Variants in UNC5B observed in about 807,000 individuals in gnomAD.
UNC5B encodes the protein netrin receptor UNC5B.
A neutral mutation model predicts 103.7 loss-of-function variants in UNC5B; 56 were observed. The ratio of observed to expected loss-of-function variants is 0.54; its 90% CI spans 0.44 to 0.67. The LOEUF (loss-of-function observed/expected upper bound fraction) is 0.67, where lower values mean the gene tolerates loss of function less well. UNC5B is among the 30% of genes least tolerant of loss of function. The probability of loss-of-function intolerance (pLI) is 0.00; values close to 1 mark genes in which losing one functional copy is unlikely to be tolerated. For synonymous variants in UNC5B, 577 were observed against 542.0 expected, an observed-to-expected ratio of 1.06 and a Z score of -0.90; for missense variants, 1,194 against 1,284.5, an observed-to-expected ratio of 0.93 and a Z score of 1.08.
intron 1 of UNC5B, among the ~76,000 whole-genome samples, chr10:71,235,180 C>G (rs1405691975): frequency 6.6e-6 from 1 of 152,218 alleles, no homozygotes; most frequent in Non-Finnish European, 1.5e-5. Context: ...TTTTTTTCCT[C>G]CTTCTTTCCA....
Position 71,301,410 on chromosome 10 carries a change from T to G in UNC5B, c.*2133T>G, listed in dbSNP as rs562342677. 2.4e-4 allele frequency: 36 copies of G among 152,386 alleles called. No individual in the cohort carries two copies. Among genetic ancestry groups the G allele is most frequent in the African/African-American group, 8.2e-4 (34 of 41,578 alleles). The allele number at this position is 152,386 out of a possible 1,614,324, so 9.4% of individuals were successfully genotyped here. On this transcript the variant is annotated 3_prime_UTR_variant, in exon 17 of 17. Transcript: ENST00000335350. ...GGGCTGCTGAGGGGCCAGGCCTGCA[T>G]CAGGGGCTAGGCTCTGGCTGGGCCC...
In UNC5B at chr10:71,295,859, C is replaced by T; in HGVS notation, c.2224C>T (p.Pro742Ser). The T allele has an allele frequency of 1.2e-6, 2 of 1,613,032 alleles. No homozygotes were observed. The highest frequency in any genetic ancestry group is 1.7e-6 in the Non-Finnish European group (2 of 1,179,986). The change falls in exon 14 of 17, where the codon CCG becomes TCG. Residue 742 changes from proline (P) to serine (S), a missense_variant. Coordinates refer to ENST00000335350, the MANE Select transcript of UNC5B (RefSeq NM_170744.5). ...RTLGGYLVEEPKPLMFKDSYH... is the reference protein window; with the variant it reads ...RTLGGYLVEESKPLMFKDSYH... The stretch of plus-strand genomic sequence containing the variant: ...TCTGGGCGGATACTTGGTGGAGGAG[C>T]CGAAACCGCTAATGTTCAAGGACAG...
At chr10:71,235,024 GC>G (rs1843747934) in intron 1 of UNC5B, among the ~76,000 whole-genome samples, 1 of 152,096 alleles carries the variant, frequency 6.6e-6, no homozygotes, top group African/African-American at 2.4e-5. Flanking sequence ...GCCCAGGGGG[GC>G]CCCTCCTCCC....
intron 1 of UNC5B, among the ~76,000 whole-genome samples, chr10:71,236,578 C>G (rs979688248): frequency 5.3e-5 from 8 of 152,156 alleles, no homozygotes; most frequent in Admixed American, 1.3e-4. Context: ...TTTCTCAGAG[C>G]TCCTCAGAGC....
chr10:71,290,034 C>T (rs900027318), intron 8 of UNC5B, among the ~76,000 whole-genome samples: 5 of 152,318 alleles, frequency 3.3e-5, no homozygotes, highest in East Asian at 3.9e-4. Context: ...CCATCTTGGC[C>T]GCCATTTTTG....
intron 1 of UNC5B, among the ~76,000 whole-genome samples, chr10:71,227,269 G>C (rs564292974): frequency 1.7e-4 from 26 of 152,190 alleles, no homozygotes; most frequent in African/African-American, 6.3e-4. Flanking sequence ...ACAGGTGTGA[G>C]CCATCGCACC....
At chr10:71,222,590 G>A (rs1277098460) in intron 1 of UNC5B, among the ~76,000 whole-genome samples, 2 of 152,176 alleles carry the variant, frequency 1.3e-5, no homozygotes, top group African/African-American at 4.8e-5. Flanking sequence ...CTCTCCCTGT[G>A]CATCTCTGGG....
intron 1 of UNC5B, among the ~76,000 whole-genome samples, chr10:71,269,815 G>A (rs976326973): frequency 6.6e-6 from 1 of 152,188 alleles, no homozygotes; most frequent in African/African-American, 2.4e-5. Flanking sequence ...AGGCATTGGG[G>A]AGATAGCACA....
At position 71,273,878 on chromosome 10, in the gene UNC5B, A is replaced by T. The variant is rs570818779; in HGVS notation, c.80-5943A>T. Among the ~76,000 whole-genome samples the T allele has an allele frequency of 6.6e-5, 10 of 152,162 alleles. No homozygotes were observed. The East Asian group carries it at 1.9e-3, about 29-fold the overall frequency. The stretch of plus-strand genomic sequence containing the variant: ...CTCTAGACCCTAGCCTGGTCACCTC[A>T]CCCTCCTGCATTTTAAATGGGTGGG... On this transcript the variant is annotated intron_variant, in intron 1 of 16. Transcript: ENST00000335350.
At chr10:71,217,579 G>T (rs1407941491) in intron 1 of UNC5B, 1 of 152,242 alleles carries the variant, frequency 6.6e-6, no homozygotes, top group Admixed American at 6.5e-5. Flanking sequence ...AGACAAGCCC[G>T]GGCGGAGCGC....
intron 1 of UNC5B, among the ~76,000 whole-genome samples, chr10:71,271,948 G>A (rs907322461): frequency 1.3e-5 from 2 of 152,132 alleles, no homozygotes; most frequent in South Asian, 2.1e-4. Context: ...ATTTGTCATC[G>A]GTAACGGCCA....
At chr10:71,263,812 AG>A (rs1360784080) in intron 1 of UNC5B, among the ~76,000 whole-genome samples, 2 of 152,162 alleles carry the variant, frequency 1.3e-5, no homozygotes, top group African/African-American at 2.4e-5. Context: ...ACACCAAGCC[AG>A]TCCTTGAGCC....
intron 1 of UNC5B, among the ~76,000 whole-genome samples, chr10:71,240,591 T>C (rs1174653818): frequency 2.0e-5 from 3 of 152,190 alleles, no homozygotes; most frequent in African/African-American, 7.2e-5. Flanking sequence ...CACGATCGCT[T>C]CCTGTTAGGG....
In UNC5B at chr10:71,301,253, C is replaced by G. The variant is rs1032404507; in HGVS notation, c.*1976C>G. The G allele has an allele frequency of 6.6e-6, 1 of 152,306 alleles. No individual in the cohort carries two copies. Among genetic ancestry groups the G allele is most frequent in the Non-Finnish European group, 1.5e-5 (1 of 68,096 alleles). 9.4% of individuals were successfully genotyped at this position (152,306 alleles called of 1,614,324 possible). ...GGGCCGCAGTTCCAGCCAGCGTCCC[C>G]AGCCTGGCTTCCCTGCCATGGACTC... On this transcript the variant is annotated 3_prime_UTR_variant, in exon 17 of 17. Coordinates refer to ENST00000335350, the MANE Select transcript of UNC5B (RefSeq NM_170744.5).
At chr10:71,242,131 G>T (rs60795171) in intron 1 of UNC5B, among the ~76,000 whole-genome samples, 28 of 152,272 alleles carry the variant, frequency 1.8e-4, no homozygotes, top group African/African-American at 6.0e-4. Flanking sequence ...GAGGACATGG[G>T]GGGGCGTGGC....
chr10:71,293,498 GC>G lies in UNC5B; in HGVS notation c.1870del (p.His624ThrfsTer27). 2 of 1,614,030 alleles carry G rather than the reference GC, an allele frequency of 1.2e-6. No individual in the cohort carries two copies. Among genetic ancestry groups the G allele is most frequent in the Non-Finnish European group, 1.7e-6 (2 of 1,180,032 alleles). ...TGTGCCGCCCCGTCATCCTCACCATGCCCCACTGTGCCGAAGTCAGTGCCCG... is the reference window on the plus strand; with the variant it reads ...TGTGCCGCCCCGTCATCCTCACCATGCCCACTGTGCCGAAGTCAGTGCCCG... The part of the protein sequence containing the change: ...LLCRPVILTM[P>X]HCAEVSARDW... On this transcript the variant is annotated frameshift_variant, in exon 12 of 17. Coordinates refer to ENST00000335350, the MANE Select transcript of UNC5B (RefSeq NM_170744.5). LOFTEE classifies it high-confidence loss of function.
intron 2 of UNC5B, among the ~76,000 whole-genome samples, chr10:71,283,571 C>T (rs1344263630): frequency 4.6e-5 from 7 of 152,140 alleles, no homozygotes; most frequent in African/African-American, 1.4e-4. Flanking sequence ...TAGGACACAT[C>T]GTGGCAGGGA....
chr10:71,269,437 C>T (rs1339715197), intron 1 of UNC5B, among the ~76,000 whole-genome samples: 4 of 147,270 alleles, frequency 2.7e-5, no homozygotes, highest in Admixed American at 2.0e-4. Context: ...GGAGCCAGAC[C>T]ACACCCTCTC....
rs1444362784 is a variant in UNC5B, at chr10:71,286,766, C to T, written c.630C>T (p.Leu210=). 1.2e-6 allele frequency: 2 copies of T among 1,614,116 alleles called. No homozygotes were observed. The highest frequency in any genetic ancestry group is 1.3e-5 in the African/African-American group (1 of 74,944). Residue 210 remains leucine (L), a synonymous_variant, in exon 5 of 17, where the codon CTC becomes CTT. Coordinates refer to ENST00000335350, the MANE Select transcript of UNC5B (RefSeq NM_170744.5). ...TCCTGCTCACCATCGACCACAACCTCATCATCCGCCAGGCCCGCCTGTCGG... is the reference window on the plus strand; with the variant it reads ...TCCTGCTCACCATCGACCACAACCTTATCATCCGCCAGGCCCGCCTGTCGG... ...TNFLLTIDHN[L]IIRQARLSDT...
Sources: gnomAD v4.1 joint callset for allele counts (sites outside exome capture counted in the v4.1 genomes callset) on GRCh38, gnomAD v4.1.1 for gene constraint, MANE v1.5 for transcripts, NCBI Gene and HGNC (gene_info 2026-07-23, HGNC 2026-07-21) for gene names.